EBF2: variants seen among roughly 807,000 people sequenced by gnomAD.
EBF2 encodes transcription factor COE2.
In EBF2, 21 loss-of-function variants were observed where a neutral mutation model predicts 72.8. The ratio of observed to expected loss-of-function variants is 0.29; its 90% confidence interval spans 0.20 to 0.42. EBF2 has a LOEUF of 0.42. EBF2 is among the 10% of genes least tolerant of loss of function. The pLI is 1.00. For synonymous variants in EBF2, 299 were observed against 274.2 expected, an observed-to-expected ratio of 1.09 and a Z score of -0.89; for missense variants, 637 against 731.2, an observed-to-expected ratio of 0.87 and a Z score of 1.49.
At chr8:25,891,189 C>A (rs1383350546) in intron 7 of EBF2, among the ~76,000 whole-genome samples, 7 of 152,232 alleles carry the variant, frequency 4.6e-5, no homozygotes, top group African/African-American at 1.7e-4. Flanking sequence ...CGAGCTCCAG[C>A]ATATGTACTG....
chr8:26,005,541 T>A (rs59412528), intron 6 of EBF2, among the ~76,000 whole-genome samples: 11 of 36,404 alleles, frequency 3.0e-4, no homozygotes, highest in Admixed American at 5.1e-4. Flanking sequence ...TTATATATAT[T>A]TTATATATAT....
At chr8:26,025,055 A>T (rs767646323) in intron 6 of EBF2, among the ~76,000 whole-genome samples, 16 of 152,206 alleles carry the variant, frequency 1.1e-4, no homozygotes, top group Non-Finnish European at 2.1e-4. Flanking sequence ...AATATCTTTG[A>T]GGAAGTAGAA....
chr8:25,923,180 C>G (rs1244071968), intron 6 of EBF2, among the ~76,000 whole-genome samples: 9 of 152,208 alleles, frequency 5.9e-5, no homozygotes, highest in Admixed American at 5.9e-4. Flanking sequence ...AGAAAGGCCA[C>G]TCTGTGCAGG....
chr8:25,985,576 C>A (rs999090896), intron 6 of EBF2, among the ~76,000 whole-genome samples: 1 of 152,176 alleles, frequency 6.6e-6, no homozygotes, highest in Non-Finnish European at 1.5e-5. Flanking sequence ...CTCTGTAAAA[C>A]AAAGTGTTGG....
At chr8:25,946,513 T>C (rs948143791) in intron 6 of EBF2, among the ~76,000 whole-genome samples, 6 of 152,224 alleles carry the variant, frequency 3.9e-5, no homozygotes, top group African/African-American at 1.4e-4. Flanking sequence ...TGTATTCTTC[T>C]GGACTCTGCA....
intron 2 of EBF2, 183 bp from the exon 3 acceptor site, chr8:26,041,185 C>A: frequency 1.5e-6 from 1 of 652,790 alleles, no homozygotes; most frequent in Non-Finnish European, 2.7e-6. Context: ...CCCCCGGAAA[C>A]TTGCCAAGAC....
At position 25,857,889 on chromosome 8, in the gene EBF2, G is replaced by C. The variant is rs556934591; in HGVS notation, c.1528+430C>G. The stretch of plus-strand genomic sequence containing the variant: ...TGCTCTATTCTAGCTATGTGATCTT[G>C]ATTAAGTCAGAAAACTGCAGCAAAG... On this transcript the variant is annotated intron_variant, in intron 14 of 15. Coordinates refer to ENST00000520164, the MANE Select transcript of EBF2 (RefSeq NM_022659.4). 9.8e-5 allele frequency among the ~76,000 whole-genome samples: 15 copies of C among 152,336 alleles called. No homozygotes were observed. The East Asian group carries it at 2.9e-3, about 29-fold the overall frequency.
At chr8:25,892,685 C>T (rs1439778311) in intron 7 of EBF2, among the ~76,000 whole-genome samples, 1 of 152,128 alleles carries the variant, frequency 6.6e-6, no homozygotes, top group Non-Finnish European at 1.5e-5. Flanking sequence ...CATATAGTGT[C>T]ACATCTTGAA....
At chr8:25,989,628 G>A (rs1204827292) in intron 6 of EBF2, among the ~76,000 whole-genome samples, 1 of 152,186 alleles carries the variant, frequency 6.6e-6, no homozygotes, top group Non-Finnish European at 1.5e-5. Context: ...ATGGCTTGCA[G>A]ACAACTCTCC....
intron 10 of EBF2, among the ~76,000 whole-genome samples, chr8:25,885,211 T>TC (rs896911468): frequency 1.4e-4 from 21 of 150,362 alleles, no homozygotes; most frequent in African/African-American, 4.9e-5. Flanking sequence ...CCAGGCTCCT[T>TC]TTTTTTTTAA....
chr8:25,865,763 T>G (rs150119128), intron 10 of EBF2, among the ~76,000 whole-genome samples: 17,289 of 149,326 alleles, frequency 0.12, 1,057 homozygotes, highest in Middle Eastern at 0.17. Flanking sequence ...CAGTGACTCA[T>G]GCCTGTAATC....
intron 6 of EBF2, among the ~76,000 whole-genome samples, chr8:25,941,387 G>A (rs992675459): frequency 1.3e-5 from 2 of 152,028 alleles, no homozygotes; most frequent in Non-Finnish European, 2.9e-5. Flanking sequence ...TGTATTTTTA[G>A]TAGAGACAGG....
chr8:26,042,889 G>T (rs73563812), intron 1 of EBF2, among the ~76,000 whole-genome samples: 39,733 of 152,074 alleles, frequency 0.26, 5,434 homozygotes, highest in East Asian at 0.35. Flanking sequence ...GAAAAGTTGT[G>T]CCTGGGACAG....
At chr8:25,986,800 A>G (rs553774155) in intron 6 of EBF2, among the ~76,000 whole-genome samples, 5 of 152,352 alleles carry the variant, frequency 3.3e-5, no homozygotes, top group South Asian at 2.1e-4. Context: ...AGCTGAATGG[A>G]TAAGAATAGA....
chr8:26,007,261 G>T (rs541829829), intron 6 of EBF2, among the ~76,000 whole-genome samples: 1 of 152,286 alleles, frequency 6.6e-6, no homozygotes, highest in East Asian at 1.9e-4. Flanking sequence ...ACGCCAGGCT[G>T]TGTGTCCTGC....
At chr8:25,865,033 C>A (rs936765469) in intron 10 of EBF2, among the ~76,000 whole-genome samples, 1 of 152,060 alleles carries the variant, frequency 6.6e-6, no homozygotes, top group East Asian at 1.9e-4. Context: ...GAACTCCTGA[C>A]CTCGTGATCC....
intron 6 of EBF2, among the ~76,000 whole-genome samples, chr8:25,987,882 A>G (rs776791848): frequency 2.9e-4 from 44 of 152,134 alleles, no homozygotes; most frequent in Non-Finnish European, 8.8e-5. Context: ...GGTATATACT[A>G]CAGTAATATA....
At chr8:25,929,796 C>T (rs1803451455) in intron 6 of EBF2, among the ~76,000 whole-genome samples, 2 of 151,938 alleles carry the variant, frequency 1.3e-5, no homozygotes, top group Non-Finnish European at 2.9e-5. Flanking sequence ...CTGAGCTCGC[C>T]GGCCTGGCAC....
At chr8:25,936,750 A>C (rs1585201038) in intron 6 of EBF2, among the ~76,000 whole-genome samples, 1 of 152,182 alleles carries the variant, frequency 6.6e-6, no homozygotes, top group East Asian at 1.9e-4. Context: ...ATTTTCTGAG[A>C]AATGATAACT....
Sources: allele counts gnomAD v4.1 joint callset (sites outside exome capture counted in the v4.1 genomes callset), GRCh38; gene constraint gnomAD v4.1.1; transcripts MANE v1.5; gene names NCBI Gene and HGNC (gene_info 2026-07-23, HGNC 2026-07-21).